MTCL3: variants seen among roughly 807,000 people sequenced by gnomAD.
The protein encoded by MTCL3 is MTCL family member 3.
the MTCL3 span, among the ~76,000 whole-genome samples, chr6:127,483,966 G>A: frequency 6.6e-6 from 1 of 152,130 alleles, no homozygotes; most frequent in African/African-American, 2.4e-5. Flanking sequence ...TATGCTTTAG[G>A]TTCTGTGAAG....
the MTCL3 span, among the ~76,000 whole-genome samples, chr6:127,474,683 A>G: frequency 6.6e-6 from 1 of 151,798 alleles, no homozygotes; most frequent in Non-Finnish European, 1.5e-5. Flanking sequence ...GGCTCAGGTG[A>G]TCCTCCCACA....
chr6:127,482,994 A>C, the MTCL3 span: 1 of 1,593,662 alleles, frequency 6.3e-7, no homozygotes, highest in South Asian at 1.1e-5. This position sits in a 1 kb window ranked among gnomAD's most constrained non-coding sequence, Gnocchi z 4.1. Context: ...ACTGAAACAA[A>C]GCATGAATAT....
At chr6:127,514,968 T>G in the MTCL3 span, 2 of 1,614,174 alleles carry the variant, frequency 1.2e-6, no homozygotes, top group Non-Finnish European at 1.7e-6. Context: ...GTGGCGCATT[T>G]CCTGCAGTTG....
the MTCL3 span, chr6:127,476,190 G>C: frequency 6.2e-7 from 1 of 1,614,132 alleles, no homozygotes; most frequent in Non-Finnish European, 8.5e-7. This position sits in a 1 kb window ranked among gnomAD's most constrained non-coding sequence, Gnocchi z 4.4. Context: ...TCAGGCCTCT[G>C]TTCTCCACCT....
the MTCL3 span, among the ~76,000 whole-genome samples, chr6:127,495,334 T>C: frequency 6.6e-6 from 1 of 152,188 alleles, no homozygotes; most frequent in Non-Finnish European, 1.5e-5. Flanking sequence ...CATCATTGCA[T>C]TGAGTAATTA....
At chr6:127,476,548 G>T in the MTCL3 span, 1 of 1,165,248 alleles carries the variant, frequency 8.6e-7, no homozygotes, top group Non-Finnish European at 1.2e-6. This position sits in a 1 kb window ranked among gnomAD's most constrained non-coding sequence, Gnocchi z 4.4. Flanking sequence ...AGGACACCTG[G>T]ATAAATAATT....
At chr6:127,516,057 G>GC in the MTCL3 span, 1 of 1,536,826 alleles carries the variant, frequency 6.5e-7, no homozygotes, top group Non-Finnish European at 8.7e-7. Context: ...GCTGCGGAGC[G>GC]CCCCCCTCCC....
the MTCL3 span, among the ~76,000 whole-genome samples, chr6:127,511,370 C>A: frequency 6.6e-6 from 1 of 152,268 alleles, no homozygotes. Context: ...TTTTGACATA[C>A]CTTCAACTGT....
the MTCL3 span, among the ~76,000 whole-genome samples, chr6:127,479,406 A>G: frequency 6.6e-6 from 1 of 152,184 alleles, no homozygotes; most frequent in Non-Finnish European, 1.5e-5. Flanking sequence ...GACATGCAAG[A>G]GTAGATGAGA....
At chr6:127,482,491 A>AT in the MTCL3 span, among the ~76,000 whole-genome samples, 1 of 152,048 alleles carries the variant, frequency 6.6e-6, no homozygotes, top group Non-Finnish European at 1.5e-5. This position sits in a 1 kb window ranked among gnomAD's most constrained non-coding sequence, Gnocchi z 4.1. Context: ...GAATTACTTC[A>AT]TTCCAGGGCT....
chr6:127,498,424 T>C, the MTCL3 span, among the ~76,000 whole-genome samples: 3 of 152,120 alleles, frequency 2.0e-5, no homozygotes, highest in African/African-American at 4.8e-5. Flanking sequence ...AAAAAAGATA[T>C]ACAATCAGTA....
the MTCL3 span, among the ~76,000 whole-genome samples, chr6:127,515,347 A>G: frequency 1.3e-5 from 2 of 152,200 alleles, no homozygotes; most frequent in African/African-American, 4.8e-5. This position sits in a 1 kb window ranked among gnomAD's most constrained non-coding sequence, Gnocchi z 4.3. Flanking sequence ...CTGAGAGCAG[A>G]TTCAAATTCC....
At chr6:127,500,964 A>G in the MTCL3 span, among the ~76,000 whole-genome samples, 1 of 152,142 alleles carries the variant, frequency 6.6e-6, no homozygotes, top group African/African-American at 2.4e-5. Context: ...GGCACGTGCC[A>G]TCACGCCTGG....
At chr6:127,510,360 G>T in the MTCL3 span, among the ~76,000 whole-genome samples, 2 of 152,200 alleles carry the variant, frequency 1.3e-5, no homozygotes, top group Admixed American at 1.3e-4. Flanking sequence ...TCACAGGGAA[G>T]AGTGTGAGCA....
the MTCL3 span, chr6:127,516,769 T>C: frequency 6.1e-6 from 8 of 1,305,362 alleles, no homozygotes; most frequent in South Asian, 1.6e-5. Flanking sequence ...AAGGGTGATA[T>C]TGCTCCATTT....
chr6:127,483,476 C>T, the MTCL3 span, among the ~76,000 whole-genome samples: 7 of 152,256 alleles, frequency 4.6e-5, no homozygotes, highest in East Asian at 3.9e-4. Flanking sequence ...CTCCTCGACA[C>T]GTGCAAAATG....
chr6:127,516,752 C>G, the MTCL3 span: 1 of 1,425,382 alleles, frequency 7.0e-7, no homozygotes, highest in Non-Finnish European at 9.2e-7. Context: ...TGAATTTTTG[C>G]AGAGCAAAGG....
the MTCL3 span, among the ~76,000 whole-genome samples, chr6:127,505,954 A>G: frequency 6.6e-6 from 1 of 152,216 alleles, no homozygotes; most frequent in African/African-American, 2.4e-5. Context: ...TTCAGGGAGA[A>G]CAGAGATGGA....
At chr6:127,515,979 C>T in the MTCL3 span, 1 of 1,589,852 alleles carries the variant, frequency 6.3e-7, no homozygotes, top group Non-Finnish European at 8.5e-7. This position sits in a 1 kb window ranked among gnomAD's most constrained non-coding sequence, Gnocchi z 4.3. Flanking sequence ...GGGAGGCCCC[C>T]TCCCCGCCGC....
Sources: allele counts gnomAD v4.1 joint callset (sites outside exome capture counted in the v4.1 genomes callset), GRCh38; gene constraint gnomAD v4.1.1; non-coding constraint Gnocchi (gnomAD v3.1); transcripts MANE v1.5; gene names NCBI Gene and HGNC (gene_info 2026-07-23, HGNC 2026-07-21).